RMDN2: variants seen among roughly 807,000 people sequenced by gnomAD.
RMDN2 encodes the protein regulator of microtubule dynamics 2.
A neutral mutation model predicts 52.8 loss-of-function variants in RMDN2; 61 were observed. That is an observed-to-expected ratio of 1.16 (90% confidence interval 0.94 to 1.43). RMDN2 has a LOEUF of 1.43. RMDN2 is among the 40% of genes most tolerant of loss of function. The pLI, the probability that RMDN2 is intolerant of heterozygous loss-of-function variation, is 0.00. For synonymous variants in RMDN2, 180 were observed against 153.1 expected, an observed-to-expected ratio of 1.18 and a Z score of -1.30; for missense variants, 592 against 475.3, an observed-to-expected ratio of 1.25 and a Z score of -2.28.
chr2:38,052,845 G>T (rs1460961902), intron 10 of RMDN2, among the ~76,000 whole-genome samples: 1 of 152,094 alleles, frequency 6.6e-6, no homozygotes, highest in South Asian at 2.1e-4. Context: ...TTGACATGAG[G>T]GGGTGGGCAA....
chr2:37,951,752 T>G, intron 2 of RMDN2: 1 of 1,612,942 alleles, frequency 6.2e-7, no homozygotes, highest in African/African-American at 1.3e-5. Flanking sequence ...CCATCTCTGC[T>G]CCTGAATATA....
At chr2:38,048,071 A>G (rs779089647) in intron 10 of RMDN2, among the ~76,000 whole-genome samples, 1 of 152,208 alleles carries the variant, frequency 6.6e-6, no homozygotes, top group Non-Finnish European at 1.5e-5. Context: ...ATTGAAATCA[A>G]AGTTTCAGAT....
At chr2:38,014,772 G>A (rs1003220042) in intron 10 of RMDN2, among the ~76,000 whole-genome samples, 45 of 152,172 alleles carry the variant, frequency 3.0e-4, no homozygotes, top group African/African-American at 9.4e-4. Context: ...AATTATAGAG[G>A]TGTACTCTGC....
chr2:37,933,996 C>G (rs936062356), intron 2 of RMDN2, among the ~76,000 whole-genome samples: 1 of 152,114 alleles, frequency 6.6e-6, no homozygotes, highest in Admixed American at 6.5e-5. Flanking sequence ...GAAGAGTCAT[C>G]CCCTCTTTCC....
chr2:38,036,920 G>A (rs1413631980), intron 10 of RMDN2: 1 of 152,250 alleles, frequency 6.6e-6, no homozygotes, highest in African/African-American at 2.4e-5. Flanking sequence ...GGCTGTCTCA[G>A]GTATCCTGGT....
Position 37,989,636 on chromosome 2 carries a change from C to A in RMDN2, c.867+20C>A, listed in dbSNP as rs755158555. The A allele has an allele frequency of 2.3e-6, 3 of 1,292,582 alleles. No individual in the cohort carries two copies. Among genetic ancestry groups the A allele is most frequent in the Admixed American group, 1.9e-5 (1 of 53,202 alleles). 80.1% of individuals were successfully genotyped at this position (1,292,582 alleles called of 1,614,324 possible). A position where few individuals can be genotyped will look rare whatever the true frequency, so the allele number is the denominator to read the frequency against. On this transcript the variant is annotated intron_variant, in intron 6 of 10. Coordinates refer to ENST00000354545, the MANE Select transcript of RMDN2 (RefSeq NM_001170791.3). ...TTCAAGGTATTTCTTTTTTTTTTTT[C>A]ATATTTCTTTTCAGATCCAGACATA...
chr2:37,961,248 G>C (rs1452503417), intron 2 of RMDN2, among the ~76,000 whole-genome samples: 2 of 151,974 alleles, frequency 1.3e-5, no homozygotes, highest in African/African-American at 4.8e-5. Context: ...TTGCTATGTT[G>C]GGGAAGTTCT....
At chr2:38,017,146 A>C (rs1306753459) in intron 10 of RMDN2, 40 bp from the exon 11 acceptor site, 1 of 1,274,530 alleles carries the variant, frequency 7.8e-7, no homozygotes, top group Non-Finnish European at 1.1e-6. Context: ...ATCAAGATGA[A>C]TGCATGAAAT....
In RMDN2 at chr2:37,930,122, G is replaced by A. The variant is rs549540178; in HGVS notation, c.452+393G>A. Among the ~76,000 whole-genome samples the A allele has an allele frequency of 3.9e-5, 6 of 152,342 alleles. No homozygotes were observed. The South Asian group carries it at 8.3e-4, about 21-fold the overall frequency. ...GTCCAAGTCTGTGCTGCCCAATGTG[G>A]TAGCCACTAGCCCCCTCTGGCCACA... On this transcript the variant is annotated intron_variant, in intron 2 of 10. Transcript: ENST00000354545.
chr2:37,951,932 C>A, intron 2 of RMDN2: 2 of 1,613,208 alleles, frequency 1.2e-6, no homozygotes, highest in South Asian at 1.1e-5. Flanking sequence ...AACAAAGGGG[C>A]CAATTATGTA....
At chr2:37,997,304 C>G (rs1675684402) in intron 7 of RMDN2, 112 bp from the exon 8 acceptor site, 8 of 708,456 alleles carry the variant, frequency 1.1e-5, no homozygotes, top group South Asian at 1.1e-4. Flanking sequence ...TATGTTATAT[C>G]TATACACACA....
intron 10 of RMDN2, among the ~76,000 whole-genome samples, chr2:38,034,273 G>T (rs1369797091): frequency 3.9e-5 from 6 of 152,216 alleles, no homozygotes; most frequent in Admixed American, 2.6e-4. Context: ...ATGATGCAGA[G>T]AGGCTGGGCA....
intron 3 of RMDN2, chr2:37,974,911 C>T (rs1161005891): frequency 3.5e-6 from 1 of 285,186 alleles, no homozygotes; most frequent in Non-Finnish European, 6.5e-6. Context: ...GATGCCACAG[C>T]TCAGGAAGAA....
In RMDN2 at chr2:37,960,645, A is replaced by C. The variant is rs118126635; in HGVS notation, c.453-13395A>C. 6.0e-3 allele frequency among the ~76,000 whole-genome samples: 908 copies of C among 152,276 alleles called. 31 individuals are homozygous for C. The highest frequency in any genetic ancestry group is 0.052 in the East Asian group (269 of 5,180). On this transcript the variant is annotated intron_variant, in intron 2 of 10. Transcript: ENST00000354545. ...TGGGGAATTTAGTCAATTTACATTT[A>C]AGGTTAATATGTGTCTTTTAGTTGG...
At chr2:38,039,823 T>C (rs1014637540) in intron 10 of RMDN2, among the ~76,000 whole-genome samples, 1 of 152,136 alleles carries the variant, frequency 6.6e-6, no homozygotes, top group African/African-American at 2.4e-5. Context: ...GACCATGCCA[T>C]AAGGATTAAA....
At chr2:37,996,761 A>C (rs1309309247) in intron 7 of RMDN2, among the ~76,000 whole-genome samples, 1 of 152,152 alleles carries the variant, frequency 6.6e-6, no homozygotes, top group Non-Finnish European at 1.5e-5. Context: ...AACATCTAAT[A>C]TTTATATTTG....
intron 2 of RMDN2, among the ~76,000 whole-genome samples, chr2:37,954,945 CTT>C (rs1669266369): frequency 6.6e-6 from 1 of 152,046 alleles, no homozygotes; most frequent in Non-Finnish European, 1.5e-5. Context: ...GTATTTTACA[CTT>C]TTGATGCAAT....
rs145364564 is a variant in RMDN2 at position 37,927,167 on chromosome 2, T to G, written c.-17+1742T>G. Among the ~76,000 whole-genome samples, 1,036 of 152,372 alleles carry G rather than the reference T, an allele frequency of 6.8e-3. 10 individuals are homozygous for G. Among genetic ancestry groups the G allele is most frequent in the South Asian group, 0.021 (100 of 4,832 alleles). Reference sequence around the variant, plus strand: ...GATTCTATTTTTTTCTAGTTAATTTTTGTGGTTCTGAAATAATATTTCAGC... The same window carrying G: ...GATTCTATTTTTTTCTAGTTAATTTGTGTGGTTCTGAAATAATATTTCAGC... On this transcript the variant is annotated intron_variant, in intron 1 of 10. Coordinates refer to ENST00000354545, the MANE Select transcript of RMDN2 (RefSeq NM_001170791.3).
At chr2:38,007,300 C>T (rs1253195237) in intron 10 of RMDN2, among the ~76,000 whole-genome samples, 1 of 152,106 alleles carries the variant, frequency 6.6e-6, no homozygotes, top group Non-Finnish European at 1.5e-5. Flanking sequence ...CTCCTTGTAC[C>T]TCTGGTAGAA....
Sources: gnomAD v4.1 joint callset for allele counts (sites outside exome capture counted in the v4.1 genomes callset) on GRCh38, gnomAD v4.1.1 for gene constraint, MANE v1.5 for transcripts, NCBI Gene and HGNC (gene_info 2026-07-23, HGNC 2026-07-21) for gene names.